PDE1C: variants seen among roughly 807,000 people sequenced by gnomAD.
The protein encoded by PDE1C is dual specificity calcium/calmodulin-dependent 3',5'-cyclic nucleotide phosphodiesterase 1C.
PDE1C carries 62 observed loss-of-function variants against 93.1 expected under a neutral mutation model. The observed-to-expected ratio is 0.67, with a 90% confidence interval of 0.54 to 0.82. The LOEUF (loss-of-function observed/expected upper bound fraction) is 0.82. Among genes scored for constraint, PDE1C ranks in the 40% least tolerant of loss-of-function variants. The probability of loss-of-function intolerance (pLI) is 0.00; values close to 1 mark genes in which losing one functional copy is unlikely to be tolerated. For synonymous variants in PDE1C, 325 were observed against 310.1 expected (o/e 1.05, Z -0.50); for missense variants, 742 against 884.6 (o/e 0.84, Z 2.04).
At chr7:32,176,240 G>A (rs549911491) in intron 2 of PDE1C, among the ~76,000 whole-genome samples, 15 of 152,030 alleles carry the variant, frequency 9.9e-5, no homozygotes, top group African/African-American at 2.7e-4. Context: ...ATCCCAAAGC[G>A]AAAGATCTCT....
At chr7:31,970,485 C>T (rs531067882) in intron 2 of PDE1C, among the ~76,000 whole-genome samples, 3 of 152,176 alleles carry the variant, frequency 2.0e-5, no homozygotes, top group South Asian at 4.1e-4. Context: ...AGCCAAAAAA[C>T]GCATGGGCAG....
the PDE1C span, among the ~76,000 whole-genome samples, chr7:31,683,715 T>C: frequency 6.6e-6 from 1 of 152,170 alleles, no homozygotes; most frequent in Non-Finnish European, 1.5e-5. Context: ...GCCTCATCAC[T>C]CATCAGCACA....
intron 16 of PDE1C, among the ~76,000 whole-genome samples, chr7:31,792,138 C>G (rs1386052977): frequency 3.9e-5 from 6 of 152,088 alleles, no homozygotes; most frequent in African/African-American, 1.4e-4. Flanking sequence ...CCCTGGCCTT[C>G]CCAAACACAT....
the PDE1C span, among the ~76,000 whole-genome samples, chr7:31,651,603 A>G: frequency 0.95 from 144,138 of 152,154 alleles, 68,481 homozygotes; most frequent in East Asian, 1. Context: ...TGGGGATGGA[A>G]ATCAGGTTTA....
At chr7:32,282,876 G>A (rs904702536) in intron 1 of PDE1C, among the ~76,000 whole-genome samples, 3 of 152,152 alleles carry the variant, frequency 2.0e-5, no homozygotes, top group South Asian at 2.1e-4. Context: ...CACTGTGCCC[G>A]GCCTATATGC....
At chr7:31,640,161 T>C in the PDE1C span, among the ~76,000 whole-genome samples, 2 of 152,214 alleles carry the variant, frequency 1.3e-5, no homozygotes, top group Non-Finnish European at 2.9e-5. Flanking sequence ...TAATTATTTC[T>C]TACTCCTGAA....
At chr7:31,949,392 G>A (rs1807062318) in intron 2 of PDE1C, among the ~76,000 whole-genome samples, 3 of 152,150 alleles carry the variant, frequency 2.0e-5, no homozygotes, top group Non-Finnish European at 1.5e-5. Flanking sequence ...CCTGGGAGGT[G>A]AAGGTTGCAG....
chr7:32,000,652 T>G (rs1785338631), intron 2 of PDE1C, among the ~76,000 whole-genome samples: 1 of 152,088 alleles, frequency 6.6e-6, no homozygotes. Flanking sequence ...ATGGGGCAGG[T>G]GCCCAAGATG....
At position 31,775,749 on chromosome 7, in the gene PDE1C, G is replaced by A; in HGVS notation, c.1892-17C>T. ...GTTTTGTGCCTGTGAAGAGGAAAAA[G>A]AGGATAAGGAAAAGTAGGATTGTGG... On this transcript the variant is annotated splice_polypyrimidine_tract_variant and intron_variant, in intron 16 of 17. Transcript: ENST00000396191. 1 of 1,608,342 alleles carries A rather than the reference G, an allele frequency of 6.2e-7. No individual in the cohort carries two copies. Among genetic ancestry groups the A allele is most frequent in the Non-Finnish European group, 8.5e-7 (1 of 1,175,884 alleles).
chr7:31,724,211 T>C, the PDE1C span, among the ~76,000 whole-genome samples: 1 of 152,184 alleles, frequency 6.6e-6, no homozygotes, highest in Non-Finnish European at 1.5e-5. Flanking sequence ...GAGGTGTCTA[T>C]GGTGCAAAAT....
chr7:31,914,800 A>T (rs1311025498), intron 2 of PDE1C, among the ~76,000 whole-genome samples: 1 of 152,192 alleles, frequency 6.6e-6, no homozygotes, highest in Non-Finnish European at 1.5e-5. Flanking sequence ...ATTGCTGTCC[A>T]ATTAAAAAGT....
At chr7:31,672,167 A>G in the PDE1C span, among the ~76,000 whole-genome samples, 2 of 152,182 alleles carry the variant, frequency 1.3e-5, no homozygotes, top group African/African-American at 4.8e-5. Flanking sequence ...CCTGGAGCAA[A>G]AAGTCTCAGA....
intron 3 of PDE1C, among the ~76,000 whole-genome samples, chr7:32,082,597 A>G (rs1584724707): frequency 6.6e-6 from 1 of 152,006 alleles, no homozygotes; most frequent in African/African-American, 2.4e-5. Context: ...ACTGGGAGGC[A>G]CCCCCCAGTA....
chr7:32,416,407 T>C (rs1785277858), intron 1 of PDE1C, among the ~76,000 whole-genome samples: 1 of 152,140 alleles, frequency 6.6e-6, no homozygotes, highest in Non-Finnish European at 1.5e-5. Flanking sequence ...ACTCACAATG[T>C]AAGCTTGGAG....
chr7:31,685,123 GAA>G, the PDE1C span, among the ~76,000 whole-genome samples: 1 of 140,896 alleles, frequency 7.1e-6, no homozygotes, highest in Non-Finnish European at 1.6e-5. Flanking sequence ...AATGCTGAGT[GAA>G]AAAAAAAAAG....
chr7:32,266,760 A>T (rs1810603372), intron 1 of PDE1C, among the ~76,000 whole-genome samples: 1 of 152,116 alleles, frequency 6.6e-6, no homozygotes, highest in Non-Finnish European at 1.5e-5. Context: ...GGCGGTGAGG[A>T]TGAACACTCA....
At chr7:31,687,992 T>C in the PDE1C span, among the ~76,000 whole-genome samples, 4 of 152,358 alleles carry the variant, frequency 2.6e-5, 1 homozygote, top group South Asian at 8.3e-4. Context: ...GTTTTTGTCT[T>C]GAACTATTCT....
At chr7:32,217,068 A>G (rs113713795) in intron 1 of PDE1C, among the ~76,000 whole-genome samples, 17 of 152,360 alleles carry the variant, frequency 1.1e-4, no homozygotes, top group African/African-American at 4.1e-4. Flanking sequence ...AATAGGATCC[A>G]GTAGAGGGAG....
chr7:31,822,720 A>G (rs1454747099), intron 14 of PDE1C, among the ~76,000 whole-genome samples: 1 of 152,186 alleles, frequency 6.6e-6, no homozygotes, highest in African/African-American at 2.4e-5. Context: ...TTACTTAGGT[A>G]AAAGAAGAAA....
Sources: allele counts gnomAD v4.1 joint callset (sites outside exome capture counted in the v4.1 genomes callset), GRCh38; gene constraint gnomAD v4.1.1; transcripts MANE v1.5; gene names NCBI Gene and HGNC (gene_info 2026-07-23, HGNC 2026-07-21).